TRIO: variants seen among roughly 807,000 people sequenced by gnomAD.
TRIO encodes triple functional domain protein.
A neutral mutation model predicts 351.9 loss-of-function variants in TRIO; 58 were observed. That is an observed-to-expected ratio of 0.16 (90% CI 0.13 to 0.21). TRIO has a LOEUF of 0.21. Ranked by LOEUF, TRIO falls within the 10% of genes least tolerant of loss-of-function variation. The pLI is 1.00. For synonymous variants in TRIO, 1,758 were observed against 1,595.7 expected (o/e 1.10, Z -2.42); for missense variants, 3,201 against 4,027.8 (o/e 0.79, Z 5.56).
intron 1 of TRIO, among the ~76,000 whole-genome samples, chr5:14,180,070 C>A (rs1478841586): frequency 8.3e-6 from 1 of 121,104 alleles, no homozygotes; most frequent in African/African-American, 3.2e-5. Flanking sequence ...CACTGCACTC[C>A]AGCTTGGGTG....
chr5:14,143,720 G>T lies in TRIO; in HGVS notation c.-6G>T, dbSNP rs1436700657. ...GGCGGGCGCGGCCGCGGGCGCCGCC[G>T]CAGCCATGAGCGGCAGCAGCGGCGG... On this transcript the variant is annotated 5_prime_UTR_variant, in exon 1 of 57. Transcript: ENST00000344204. 8.2e-6 allele frequency: 8 copies of T among 977,162 alleles called. No individual in the cohort carries two copies. Among genetic ancestry groups the T allele is most frequent in the Admixed American group, 6.4e-5 (1 of 15,672 alleles). 60.5% of individuals were successfully genotyped at this position (977,162 alleles called of 1,614,324 possible). A position where few individuals can be genotyped will look rare whatever the true frequency, so the allele number is the denominator to read the frequency against.
intron 1 of TRIO, among the ~76,000 whole-genome samples, chr5:14,249,049 G>GTGCC (rs1159778742): frequency 5.3e-5 from 8 of 152,200 alleles, no homozygotes; most frequent in African/African-American, 1.9e-4. Flanking sequence ...CCTGCCTGAG[G>GTGCC]TGCCCATAGG....
At chr5:14,312,725 A>G (rs535459384) in intron 8 of TRIO, among the ~76,000 whole-genome samples, 14 of 152,354 alleles carry the variant, frequency 9.2e-5, no homozygotes, top group Non-Finnish European at 1.9e-4. Flanking sequence ...GAAACTGTGG[A>G]ACTACACTAC....
At chr5:14,428,781 T>G (rs1373509430) in intron 34 of TRIO, among the ~76,000 whole-genome samples, 1 of 152,164 alleles carries the variant, frequency 6.6e-6, no homozygotes, top group South Asian at 2.1e-4. Context: ...TGAGAAACGG[T>G]CTTCCCACAC....
Position 14,406,380 on chromosome 5 carries a change from A to G in TRIO, c.4860-193A>G. The G allele has an allele frequency of 8.4e-6, 5 of 596,876 alleles. No homozygotes were observed. The South Asian group carries it at 9.9e-5, about 12-fold the overall frequency. The allele number at this position is 596,876 out of a possible 1,614,324, so 37.0% of individuals were successfully genotyped here. A position where few individuals can be genotyped will look rare whatever the true frequency, so the allele number is the denominator to read the frequency against. On this transcript the variant is annotated intron_variant, in intron 32 of 56. Transcript: ENST00000344204. ...GGTGATGGGAATCCAACAGGATGAT[A>G]TGTTTTAAACACTCAGCACAGTGCC...
intron 1 of TRIO, among the ~76,000 whole-genome samples, chr5:14,209,512 A>G (rs946791467): frequency 3.3e-5 from 5 of 152,126 alleles, no homozygotes; most frequent in African/African-American, 9.7e-5. Flanking sequence ...TAATGTCATT[A>G]TTTTTAAAAT....
chr5:14,473,598 A>G (rs1335859483), intron 39 of TRIO, among the ~76,000 whole-genome samples: 1 of 152,376 alleles, frequency 6.6e-6, no homozygotes, highest in East Asian at 1.9e-4. Context: ...AACCGATTAC[A>G]CAAATAATCC....
chr5:14,241,944 A>G (rs913907655), intron 1 of TRIO, among the ~76,000 whole-genome samples: 6 of 152,308 alleles, frequency 3.9e-5, no homozygotes, highest in South Asian at 2.1e-4. Flanking sequence ...AAATTGTATT[A>G]TTCCAACGAC....
At chr5:14,162,006 G>T (rs567307822) in intron 1 of TRIO, among the ~76,000 whole-genome samples, 1 of 152,294 alleles carries the variant, frequency 6.6e-6, no homozygotes, top group South Asian at 2.1e-4. Context: ...GGTGTGAACC[G>T]CCATGCCTGG....
chr5:14,315,337 T>C (rs751880630), intron 8 of TRIO, among the ~76,000 whole-genome samples: 33 of 151,516 alleles, frequency 2.2e-4, no homozygotes, highest in Non-Finnish European at 4.3e-4. Flanking sequence ...ACTGCAACTT[T>C]CATCTCCTGG....
chr5:14,461,328 T>C lies in TRIO; in HGVS notation c.5496+17T>C. 2.0e-6 allele frequency: 3 copies of C among 1,532,750 alleles called. No individual in the cohort carries two copies. The highest frequency in any genetic ancestry group is 1.3e-5 in the South Asian group (1 of 78,668). The allele number at this position is 1,532,750 out of a possible 1,614,324, so 94.9% of individuals were successfully genotyped here. A position where few individuals can be genotyped will look rare whatever the true frequency, so the allele number is the denominator to read the frequency against. ...GTCGAGGAGGTGAGGCTCTGCCCGC[T>C]GGTTGGGGCCGGCGTGGCGGGGCCC... On this transcript the variant is annotated intron_variant, in intron 35 of 56. Transcript: ENST00000344204.
chr5:14,423,086 C>CG (rs968284508), intron 34 of TRIO, among the ~76,000 whole-genome samples: 18 of 152,234 alleles, frequency 1.2e-4, no homozygotes, highest in African/African-American at 4.3e-4. Context: ...GTCCTTCCTC[C>CG]GTCTCAGCAT....
chr5:14,272,346 C>T (rs988611274), intron 2 of TRIO, among the ~76,000 whole-genome samples: 5 of 152,176 alleles, frequency 3.3e-5, no homozygotes, highest in Non-Finnish European at 7.4e-5. Context: ...CGTTTTGTTC[C>T]ATTTTCTTCT....
chr5:14,504,060 C>T (rs1757482343), intron 54 of TRIO, among the ~76,000 whole-genome samples: 1 of 152,224 alleles, frequency 6.6e-6, no homozygotes, highest in African/African-American at 2.4e-5. Context: ...TTCTGCTCGT[C>T]GTGGGAAGCA....
intron 34 of TRIO, among the ~76,000 whole-genome samples, chr5:14,452,725 T>G (rs1752929665): frequency 1.3e-5 from 2 of 152,172 alleles, no homozygotes; most frequent in Non-Finnish European, 2.9e-5. Flanking sequence ...GGCTGAAGTT[T>G]TTAGTTTGGC....
rs76232997 is a variant in TRIO, at chr5:14,391,074, G to C, written c.4218+84G>C. 1.1e-4 allele frequency: 113 copies of C among 1,013,852 alleles called. 1 individual carries two copies. In the East Asian group the frequency reaches 3.0e-3, roughly 27 times the overall value. The allele number at this position is 1,013,852 out of a possible 1,614,324, so 62.8% of individuals were successfully genotyped here. On this transcript the variant is annotated intron_variant, in intron 27 of 56. Coordinates refer to ENST00000344204, the MANE Select transcript of TRIO (RefSeq NM_007118.4). ...CATTACTCATAACTTTCACCTAATT[G>C]ATAGTACAATGTTTTCATTTTTGTC... is the stretch of plus-strand genomic sequence containing the variant.
At chr5:14,224,038 G>A (rs1792821852) in intron 1 of TRIO, among the ~76,000 whole-genome samples, 2 of 152,078 alleles carry the variant, frequency 1.3e-5, no homozygotes, top group Non-Finnish European at 2.9e-5. Context: ...TTCAAGCAGA[G>A]ATTGCAGCCA....
intron 34 of TRIO, among the ~76,000 whole-genome samples, chr5:14,444,576 A>T (rs1752300560): frequency 6.6e-6 from 1 of 152,108 alleles, no homozygotes; most frequent in African/African-American, 2.4e-5. Context: ...CAGTTTCCTC[A>T]TGTGTTTAAA....
chr5:14,435,768 G>A (rs1751532388), intron 34 of TRIO, among the ~76,000 whole-genome samples: 1 of 152,160 alleles, frequency 6.6e-6, no homozygotes, highest in Admixed American at 6.5e-5. Flanking sequence ...TGGCTATCAG[G>A]AGCCCTGTCT....
Sources: allele counts gnomAD v4.1 joint callset (sites outside exome capture counted in the v4.1 genomes callset), GRCh38; gene constraint gnomAD v4.1.1; transcripts MANE v1.5; gene names NCBI Gene and HGNC (gene_info 2026-07-23, HGNC 2026-07-21).